Variants in GABRR3 observed in about 807,000 individuals in gnomAD.
The protein encoded by GABRR3 is gamma-aminobutyric acid receptor subunit rho-3.
Under a neutral mutation model 43.2 loss-of-function variants are expected in GABRR3, and 29 were observed. The ratio of observed to expected loss-of-function variants is 0.67; its 90% CI spans 0.50 to 0.92. The LOEUF (loss-of-function observed/expected upper bound fraction) is 0.92. GABRR3 is among the 40% of genes least tolerant of loss of function. The pLI is 0.00. For missense variants in GABRR3, 576 were observed against 572.3 expected (o/e 1.01, Z -0.07); for synonymous variants, 206 against 195.9 (o/e 1.05, Z -0.43).
intron 4 of GABRR3, among the ~76,000 whole-genome samples, chr3:98,015,539 A>G (rs1441437034): frequency 6.6e-6 from 1 of 152,230 alleles, no homozygotes; most frequent in Non-Finnish European, 1.5e-5. Flanking sequence ...TGGAGATAAA[A>G]AACTAAAATT....
intron 7 of GABRR3, 82 bp from the exon 8 acceptor site, chr3:98,001,849 G>C (rs1033953151): frequency 6.8e-7 from 1 of 1,469,282 alleles, no homozygotes; most frequent in Non-Finnish European, 9.4e-7. Context: ...TGCTTCTTTA[G>C]ACTCCAAGCT....
intron 8 of GABRR3, among the ~76,000 whole-genome samples, chr3:97,994,610 A>G (rs1022281154): frequency 2.0e-5 from 3 of 152,216 alleles, no homozygotes; most frequent in African/African-American, 7.2e-5. Flanking sequence ...GAAGCATGGA[A>G]TTTTATTAAG....
chr3:98,009,180 T>G, intron 5 of GABRR3, 142 bp from the exon 6 acceptor site: 1 of 556,086 alleles, frequency 1.8e-6, no homozygotes, highest in East Asian at 3.2e-5. Flanking sequence ...TTATCTTCTG[T>G]CCAAATGACA....
At chr3:98,021,095 C>G (rs1706939943) in intron 3 of GABRR3, among the ~76,000 whole-genome samples, 1 of 151,870 alleles carries the variant, frequency 6.6e-6, no homozygotes, top group South Asian at 2.1e-4. Context: ...GAACTCCTGA[C>G]CTCAAATGAT....
intron 3 of GABRR3, among the ~76,000 whole-genome samples, chr3:98,024,366 C>CAAAAAAAAAAAAAAAAA (rs35090836): frequency 4.7e-5 from 2 of 42,466 alleles, no homozygotes; most frequent in Non-Finnish European, 1.0e-4. Flanking sequence ...GACTCCGTCT[C>CAAAAAAAAAAAAAAAAA]AAAAAAAAAA....
At chr3:97,988,795 G>A (rs186280951) in intron 9 of GABRR3, among the ~76,000 whole-genome samples, 10 of 151,608 alleles carry the variant, frequency 6.6e-5, no homozygotes, top group Non-Finnish European at 7.4e-5. Flanking sequence ...TGGTAGTGGT[G>A]GATGGTGGTC....
At chr3:97,991,882 T>G (rs1706473479) in intron 9 of GABRR3, among the ~76,000 whole-genome samples, 1 of 152,182 alleles carries the variant, frequency 6.6e-6, no homozygotes, top group Non-Finnish European at 1.5e-5. Context: ...ATAGATTTCA[T>G]TGAAGTTATG....
intron 3 of GABRR3, among the ~76,000 whole-genome samples, chr3:98,022,145 A>G (rs932226580): frequency 1.3e-5 from 2 of 152,220 alleles, no homozygotes; most frequent in African/African-American, 4.8e-5. Context: ...TACTGAAATG[A>G]TTTCACTTTG....
intron 9 of GABRR3, among the ~76,000 whole-genome samples, chr3:97,990,313 G>A (rs953970154): frequency 6.6e-6 from 1 of 152,028 alleles, no homozygotes; most frequent in Non-Finnish European, 1.5e-5. Context: ...ACGAAGCTGG[G>A]ATGTGGTGGA....
Position 98,001,774 on chromosome 3 carries a change from A to T in GABRR3, c.755-7T>A. On this transcript the variant is annotated splice_polypyrimidine_tract_variant and splice_region_variant and intron_variant, in intron 7 of 9. Coordinates refer to ENST00000621172, the Ensembl canonical transcript of GABRR3. ...AAAAGCCTATTGTACCAACCTGTGG[A>T]AAAAAGCCAAAGTTTTCATTAGAGC... 1 of 1,612,590 alleles carries T rather than the reference A, an allele frequency of 6.2e-7. No individual in the cohort carries two copies. The highest frequency in any genetic ancestry group is 8.5e-7 in the Non-Finnish European group (1 of 1,179,110).
At chr3:97,988,330 G>C (rs1390119062) in intron 9 of GABRR3, among the ~76,000 whole-genome samples, 1 of 152,020 alleles carries the variant, frequency 6.6e-6, no homozygotes, top group Non-Finnish European at 1.5e-5. Flanking sequence ...CTTCTGCCTT[G>C]GCCTCCGAAA....
intron 8 of GABRR3, among the ~76,000 whole-genome samples, chr3:97,993,663 T>C (rs1706501295): frequency 1.3e-5 from 2 of 152,176 alleles, no homozygotes; most frequent in African/African-American, 4.8e-5. Flanking sequence ...TTCAGTTCAT[T>C]GTAAACACTT....
At chr3:98,028,776 T>C (rs1425428222) in intron 2 of GABRR3, among the ~76,000 whole-genome samples, 1 of 152,166 alleles carries the variant, frequency 6.6e-6, no homozygotes, top group East Asian at 1.9e-4. Flanking sequence ...TCAGATACCT[T>C]GCATCTACCC....
At chr3:98,021,221 GGAAC>G (rs1706942190) in intron 3 of GABRR3, among the ~76,000 whole-genome samples, 1 of 152,038 alleles carries the variant, frequency 6.6e-6, no homozygotes, top group Non-Finnish European at 1.5e-5. Flanking sequence ...ATGGGTTTGA[GGAAC>G]TGTATTACGC....
At chr3:98,016,704 G>A (rs889187402) in intron 4 of GABRR3, among the ~76,000 whole-genome samples, 1 of 152,156 alleles carries the variant, frequency 6.6e-6, no homozygotes, top group African/African-American at 2.4e-5. Flanking sequence ...TAGATCAAGA[G>A]TGAGTAAAAA....
chr3:98,003,470 A>C (rs1706679666), intron 7 of GABRR3, among the ~76,000 whole-genome samples: 1 of 150,900 alleles, frequency 6.6e-6, no homozygotes, highest in South Asian at 2.1e-4. Context: ...AGGAAGTCAA[A>C]CTGTGGCTCT....
chr3:98,028,802 A>G (rs1259630003), intron 2 of GABRR3, among the ~76,000 whole-genome samples: 1 of 152,194 alleles, frequency 6.6e-6, no homozygotes, highest in East Asian at 1.9e-4. Flanking sequence ...GGTATAATAC[A>G]TTGTACCCCA....
At chr3:98,017,392 A>G (rs1706884886) in intron 4 of GABRR3, among the ~76,000 whole-genome samples, 1 of 152,196 alleles carries the variant, frequency 6.6e-6, no homozygotes, top group African/African-American at 2.4e-5. Context: ...ACATTGGTAA[A>G]TATATCATGA....
intron 8 of GABRR3, among the ~76,000 whole-genome samples, chr3:97,993,789 C>A (rs1272709663): frequency 6.6e-6 from 1 of 151,988 alleles, no homozygotes; most frequent in African/African-American, 2.4e-5. Context: ...CTTCTTCTCC[C>A]TTTCTGCTGC....
Sources: allele counts gnomAD v4.1 joint callset (sites outside exome capture counted in the v4.1 genomes callset), GRCh38; gene constraint gnomAD v4.1.1; transcripts MANE v1.5; gene names NCBI Gene and HGNC (gene_info 2026-07-23, HGNC 2026-07-21).